The following TESMIN variants were observed in gnomAD, a reference collection of about 807,000 sequenced individuals.
TESMIN encodes the protein CXC domain containing 2.
Under a neutral mutation model 47.4 loss-of-function variants are expected in TESMIN, and 34 were observed. The observed-to-expected ratio is 0.72, with a 90% CI of 0.55 to 0.96. TESMIN has a LOEUF of 0.96. Ranked by LOEUF, TESMIN falls within the 40% of genes least tolerant of loss-of-function variation. The pLI is 0.00. For missense variants in TESMIN, 610 were observed against 637.2 expected (o/e 0.96, Z 0.46); for synonymous variants, 278 against 258.9 (o/e 1.07, Z -0.71).
At chr11:68,729,830 T>C (rs1488819699) in intron 6 of TESMIN, among the ~76,000 whole-genome samples, 1 of 152,230 alleles carries the variant, frequency 6.6e-6, no homozygotes, top group Non-Finnish European at 1.5e-5. Flanking sequence ...GATAAAGCAG[T>C]GCAGGGCTTG....
chr11:68,705,979 C>T (rs1432042259), downstream of TESMIN, among the ~76,000 whole-genome samples: 4 of 141,962 alleles, frequency 2.8e-5, no homozygotes, highest in Non-Finnish European at 6.0e-5. Flanking sequence ...GCCGAGATCG[C>T]GCCATTGCAC....
chr11:68,745,219 T>A, intron 3 of TESMIN, 108 bp from the exon 4 acceptor site: 1 of 1,075,136 alleles, frequency 9.3e-7, no homozygotes, highest in Non-Finnish European at 1.3e-6. Flanking sequence ...AGAAGTTACA[T>A]TTTAATGGAA....
chr11:68,735,377 C>T (rs375726711), intron 6 of TESMIN, among the ~76,000 whole-genome samples: 11 of 152,232 alleles, frequency 7.2e-5, no homozygotes, highest in African/African-American at 2.2e-4. Flanking sequence ...TGGGGGCTTG[C>T]GGAGGCAGTC....
rs142546550 is a variant in TESMIN, at chr11:68,732,662, G to C, written c.917+6038C>G. On this transcript the variant is annotated intron_variant, in intron 6 of 9. Transcript: ENST00000255087. ...CTCCTTACCCAGAGCTGCGTCTTTA[G>C]CTTCCCCATCAGTCATGTCATGGCG... 248 of 152,808 alleles carry C rather than the reference G, an allele frequency of 1.6e-3. 4 individuals are homozygous for C. Among genetic ancestry groups the C allele is most frequent in the Middle Eastern group, 6.8e-3 (2 of 296 alleles). The allele number at this position is 152,808 out of a possible 1,614,324, so 9.5% of individuals were successfully genotyped here.
intron 5 of TESMIN, among the ~76,000 whole-genome samples, chr11:68,741,775 G>A (rs1319795038): frequency 6.6e-6 from 1 of 152,224 alleles, no homozygotes; most frequent in Non-Finnish European, 1.5e-5. Context: ...ACGCAAGCCA[G>A]TGAGAGTGCC....
At chr11:68,716,295 A>G (rs1183806409) in intron 6 of TESMIN, among the ~76,000 whole-genome samples, 1 of 152,252 alleles carries the variant, frequency 6.6e-6, no homozygotes, top group Non-Finnish European at 1.5e-5. Context: ...AGAAACATCA[A>G]GTAATGAAGA....
In TESMIN at chr11:68,750,377, C is replaced by G; in HGVS notation, c.284G>C (p.Gly95Ala). Residue 95 changes from glycine (G) to alanine (A), a missense_variant, in exon 2 of 10, where the codon GGG (glycine) becomes GCG (alanine). Transcript: ENST00000255087. ...GAGCTCTGGGATCCCGGGGTACTCC[C>G]CGAGGAGCTCCCCGCCGTCGCTGTC... ...GGDSDGGELL[G>A]EYPGIPELSA... 6.6e-7 allele frequency: 1 copy of G among 1,512,364 alleles called. No individual in the cohort carries two copies. Among genetic ancestry groups the G allele is most frequent in the Non-Finnish European group, 8.9e-7 (1 of 1,127,102 alleles). The allele number at this position is 1,512,364 out of a possible 1,614,324, so 93.7% of individuals were successfully genotyped here.
chr11:68,736,592 G>A (rs1371308950), intron 6 of TESMIN: 1 of 985,196 alleles, frequency 1.0e-6, no homozygotes, highest in African/African-American at 1.7e-5. Flanking sequence ...CCAATTAAGT[G>A]GAGAGGCATT....
intron 5 of TESMIN, among the ~76,000 whole-genome samples, 170 bp downstream of exon 5, chr11:68,742,148 C>A (rs1435014876): frequency 6.6e-6 from 1 of 152,158 alleles, no homozygotes; most frequent in African/African-American, 2.4e-5. Context: ...CTGACTCCAG[C>A]CCACAGTGTC....
At chr11:68,705,478 G>A (rs922605009), downstream of TESMIN, among the ~76,000 whole-genome samples, 1 of 152,120 alleles carries the variant, frequency 6.6e-6, no homozygotes, top group Non-Finnish European at 1.5e-5. Context: ...ACCTTCCGCC[G>A]CCAACAGCAC....
intron 8 of TESMIN, among the ~76,000 whole-genome samples, chr11:68,711,283 G>A (rs1179091140): frequency 6.9e-6 from 1 of 145,074 alleles, no homozygotes; most frequent in Non-Finnish European, 1.5e-5. Flanking sequence ...GTAAGAGTGT[G>A]TGTGTGTTGA....
Position 68,750,397 on chromosome 11 carries a change from G to C in TESMIN, c.264C>G (p.Ser88Arg). The C allele has an allele frequency of 6.6e-7, 1 of 1,516,194 alleles. No homozygotes were observed. Among genetic ancestry groups the C allele is most frequent in the Non-Finnish European group, 8.9e-7 (1 of 1,127,752 alleles). The allele number at this position is 1,516,194 out of a possible 1,614,324, so 93.9% of individuals were successfully genotyped here. A position where few individuals can be genotyped will look rare whatever the true frequency, so the allele number is the denominator to read the frequency against. The change falls in exon 2 of 10, where the codon AGC (serine) becomes AGG (arginine). Residue 88 changes from serine (S) to arginine (R), a missense_variant. Coordinates refer to ENST00000255087, the MANE Select transcript of TESMIN (RefSeq NM_004923.3). ...QVKAKLAGGD[S>R]DGGELLGEYP... Reference sequence around the variant, plus strand: ...ACTCCCCGAGGAGCTCCCCGCCGTCGCTGTCGCCCCCCGCGAGCTTCGCCT... The same window carrying C: ...ACTCCCCGAGGAGCTCCCCGCCGTCCCTGTCGCCCCCCGCGAGCTTCGCCT...
chr11:68,750,791 G>C, intron 1 of TESMIN, 92 bp from the exon 2 acceptor site: 1 of 227,726 alleles, frequency 4.4e-6, no homozygotes, highest in Non-Finnish European at 7.3e-6. Flanking sequence ...GGGCAGCCAA[G>C]GGAGGGGCGG....
At chr11:68,723,283 A>G (rs1330239216) in intron 6 of TESMIN, among the ~76,000 whole-genome samples, 1 of 151,936 alleles carries the variant, frequency 6.6e-6, no homozygotes. Context: ...ATATGTATAT[A>G]TAATACAAAT....
chr11:68,748,649 T>C (rs1048870419), intron 2 of TESMIN, among the ~76,000 whole-genome samples: 2 of 152,206 alleles, frequency 1.3e-5, no homozygotes, highest in Non-Finnish European at 2.9e-5. Flanking sequence ...TTACTGAAAA[T>C]AATTCCATTC....
chr11:68,751,311 C>G (rs1032896536), intron 1 of TESMIN, 109 bp downstream of exon 1: 2 of 152,948 alleles, frequency 1.3e-5, no homozygotes, highest in African/African-American at 2.4e-5. Context: ...GCCCGCCGCC[C>G]TCCGCCCACC....
chr11:68,739,504 C>T (rs1417951485), intron 5 of TESMIN, among the ~76,000 whole-genome samples: 1 of 152,208 alleles, frequency 6.6e-6, no homozygotes, highest in Non-Finnish European at 1.5e-5. Context: ...CTTGTCCCTT[C>T]CTCTGTCCAA....
chr11:68,738,176 T>A (rs1946410068), intron 6 of TESMIN: 1 of 986,260 alleles, frequency 1.0e-6, no homozygotes, highest in South Asian at 4.7e-5. Flanking sequence ...AATAGCAAGA[T>A]GAGGTCCCAG....
intron 6 of TESMIN, among the ~76,000 whole-genome samples, chr11:68,723,657 C>G (rs1338238441): frequency 6.6e-6 from 1 of 151,920 alleles, no homozygotes; most frequent in Non-Finnish European, 1.5e-5. Context: ...AAATAGACAA[C>G]CTCTCCTAGA....
Sources: gnomAD v4.1 joint callset for allele counts (sites outside exome capture counted in the v4.1 genomes callset) on GRCh38, gnomAD v4.1.1 for gene constraint, MANE v1.5 for transcripts, NCBI Gene and HGNC (gene_info 2026-07-23, HGNC 2026-07-21) for gene names.